The following ROBO2 variants were observed in gnomAD, a reference collection of about 807,000 sequenced individuals.
The protein encoded by ROBO2 is roundabout guidance receptor 2, also known as roundabout homolog 2.
A neutral mutation model predicts 160.8 loss-of-function variants in ROBO2; 53 were observed. The ratio of observed to expected loss-of-function variants is 0.33; its 90% confidence interval spans 0.26 to 0.41. ROBO2 has a LOEUF of 0.41. ROBO2 is among the 10% of genes least tolerant of loss of function. The probability of loss-of-function intolerance (pLI) is 1.00; values close to 1 mark genes in which losing one functional copy is unlikely to be tolerated. For synonymous variants in ROBO2, 664 were observed against 611.7 expected (o/e 1.09, Z -1.26); for missense variants, 1,577 against 1,722.4 (o/e 0.92, Z 1.49).
intron 2 of ROBO2, among the ~76,000 whole-genome samples, chr3:76,411,596 A>AT (rs959328653): frequency 6.5e-4 from 98 of 151,848 alleles, no homozygotes; most frequent in Middle Eastern, 3.4e-3. Flanking sequence ...TAGGGAAGAC[A>AT]TTTTTTTTCC....
chr3:76,787,532 A>G (rs2063070679), intron 2 of ROBO2, among the ~76,000 whole-genome samples: 1 of 151,408 alleles, frequency 6.6e-6, no homozygotes. Context: ...CAAAACCTAC[A>G]AATGCTAAAG....
At chr3:76,058,589 CTTTTTTTTTTT>C (rs10676074) in intron 2 of ROBO2, among the ~76,000 whole-genome samples, 1 of 48,860 alleles carries the variant, frequency 2.0e-5, no homozygotes, top group Non-Finnish European at 3.4e-5. Context: ...ACAGCAGAAA[CTTTTTTTTTTT>C]TTTTTTTTTT....
At chr3:77,258,164 T>C (rs1361610161) in intron 2 of ROBO2, among the ~76,000 whole-genome samples, 1 of 152,218 alleles carries the variant, frequency 6.6e-6, no homozygotes, top group East Asian at 1.9e-4. Flanking sequence ...GTGAAAAATG[T>C]GTATAAGAGA....
In ROBO2 at chr3:76,523,077, G is replaced by A. The variant is rs539391241; in HGVS notation, c.110-574937G>A. ...CTAGACCTAACCTACAGCTAGTACT[G>A]CAAGTGGAAAATTTTGGTCCTTTTT... is the stretch of plus-strand genomic sequence containing the variant. On this transcript the variant is annotated intron_variant, in intron 2 of 26. Transcript: ENST00000487694. Among the ~76,000 whole-genome samples the A allele has an allele frequency of 2.0e-5, 3 of 149,854 alleles. 1 individual carries two copies. In the South Asian group the frequency reaches 6.3e-4, roughly 31 times the overall value.
At chr3:76,331,201 G>T (rs1220311518) in intron 2 of ROBO2, among the ~76,000 whole-genome samples, 1 of 152,000 alleles carries the variant, frequency 6.6e-6, no homozygotes, top group Non-Finnish European at 1.5e-5. Flanking sequence ...ATGTAGTTTT[G>T]TAACTTTTTT....
intron 2 of ROBO2, among the ~76,000 whole-genome samples, chr3:77,470,550 G>A (rs2083252683): frequency 6.6e-6 from 1 of 151,986 alleles, no homozygotes; most frequent in Non-Finnish European, 1.5e-5. Flanking sequence ...CGCTATCTTT[G>A]GCACATAGTA....
intron 2 of ROBO2, among the ~76,000 whole-genome samples, chr3:76,392,723 TAGAA>T (rs2077218105): frequency 6.6e-6 from 1 of 152,208 alleles, no homozygotes; most frequent in Non-Finnish European, 1.5e-5. Context: ...ATAGATATGT[TAGAA>T]ATATCAGAAC....
intron 2 of ROBO2, among the ~76,000 whole-genome samples, chr3:77,159,857 A>G (rs1284477805): frequency 6.6e-6 from 1 of 152,182 alleles, no homozygotes; most frequent in Non-Finnish European, 1.5e-5. Flanking sequence ...GTATATTTCA[A>G]ATTCCTATAC....
intron 2 of ROBO2, among the ~76,000 whole-genome samples, chr3:76,700,096 C>T (rs959620221): frequency 6.6e-6 from 1 of 152,120 alleles, no homozygotes. Flanking sequence ...CAAAAAACTT[C>T]TTGGCAAACA....
At chr3:75,952,625 T>C (rs1266878238) in intron 2 of ROBO2, among the ~76,000 whole-genome samples, 2 of 152,008 alleles carry the variant, frequency 1.3e-5, no homozygotes, top group East Asian at 1.9e-4. Context: ...TGAGTCAATA[T>C]TGGTACATTA....
chr3:76,574,560 G>A (rs910691630), intron 2 of ROBO2, among the ~76,000 whole-genome samples: 1 of 152,088 alleles, frequency 6.6e-6, no homozygotes, highest in Non-Finnish European at 1.5e-5. Flanking sequence ...ATCACTGACA[G>A]GGTGATATAT....
At chr3:77,450,471 T>C (rs929045369) in intron 2 of ROBO2, among the ~76,000 whole-genome samples, 1 of 152,056 alleles carries the variant, frequency 6.6e-6, no homozygotes, top group African/African-American at 2.4e-5. Flanking sequence ...AATCCCTTGA[T>C]AAGTGATGTG....
chr3:76,770,133 A>G (rs2061800368), intron 2 of ROBO2, among the ~76,000 whole-genome samples: 1 of 151,448 alleles, frequency 6.6e-6, no homozygotes, highest in Non-Finnish European at 1.5e-5. Flanking sequence ...GTTTAGACTG[A>G]ACATTATTCT....
intron 2 of ROBO2, among the ~76,000 whole-genome samples, chr3:77,211,679 G>C (rs1440942679): frequency 6.6e-6 from 1 of 152,130 alleles, no homozygotes; most frequent in Non-Finnish European, 1.5e-5. Flanking sequence ...TAATGCCTAG[G>C]TTTTCTTCTA....
chr3:77,075,084 C>A (rs2067824297), intron 1 of ROBO2, among the ~76,000 whole-genome samples: 1 of 152,126 alleles, frequency 6.6e-6, no homozygotes, highest in Admixed American at 6.6e-5. Context: ...CACTTTGTGT[C>A]TAGTCATTAA....
intron 2 of ROBO2, among the ~76,000 whole-genome samples, chr3:76,486,346 T>C (rs569669102): frequency 6.6e-6 from 1 of 152,218 alleles, no homozygotes; most frequent in African/African-American, 2.4e-5. Flanking sequence ...GGGTTGAAGT[T>C]ATGTCACTTT....
intron 2 of ROBO2, among the ~76,000 whole-genome samples, chr3:76,841,683 G>T (rs1227533780): frequency 1.3e-5 from 2 of 152,052 alleles, no homozygotes; most frequent in African/African-American, 4.8e-5. Flanking sequence ...TTGGTGTTTT[G>T]TTCATGCCAC....
rs908051028 is a variant in ROBO2, at chr3:76,952,289, A to T, written c.110-145725A>T. On this transcript the variant is annotated intron_variant, in intron 2 of 26. Coordinates refer to the ROBO2 transcript ENST00000487694. Reference sequence around the variant, plus strand: ...GTAACCTATTTTTATTTTTATTTTTATTTTTTTTTTGAGACAGAGTTTTGC... The same window carrying T: ...GTAACCTATTTTTATTTTTATTTTTTTTTTTTTTTTGAGACAGAGTTTTGC... Among the ~76,000 whole-genome samples the T allele has an allele frequency of 2.0e-4, 30 of 149,814 alleles. No individual in the cohort carries two copies. In the South Asian group the frequency reaches 3.4e-3, roughly 17 times the overall value.
intron 2 of ROBO2, among the ~76,000 whole-genome samples, chr3:77,015,419 A>C (rs2062178837): frequency 6.6e-6 from 1 of 152,050 alleles, no homozygotes; most frequent in African/African-American, 2.4e-5. Context: ...TTAAGAGAAC[A>C]CTCCATTTTT....
Sources: allele counts gnomAD v4.1 joint callset (sites outside exome capture counted in the v4.1 genomes callset), GRCh38; gene constraint gnomAD v4.1.1; transcripts MANE v1.5; gene names NCBI Gene and HGNC (gene_info 2026-07-23, HGNC 2026-07-21).